The following FYN variants were observed in gnomAD, a reference collection of about 807,000 sequenced individuals.
FYN encodes the protein FYN proto-oncogene, Src family tyrosine kinase, also known as tyrosine-protein kinase Fyn.
Under a neutral mutation model 70.2 loss-of-function variants are expected in FYN, and 10 were observed. That is an observed-to-expected ratio of 0.14 (90% confidence interval 0.09 to 0.24). The LOEUF is 0.24. Ranked by LOEUF, FYN falls within the 10% of genes least tolerant of loss-of-function variation. The probability of loss-of-function intolerance (pLI) is 1.00; values close to 1 mark genes in which losing one functional copy is unlikely to be tolerated. For synonymous variants in FYN, 236 were observed against 248.6 expected, an observed-to-expected ratio of 0.95 and a Z score of 0.48; for missense variants, 319 against 673.1, an observed-to-expected ratio of 0.47 and a Z score of 5.82.
chr6:111,775,978 T>C (rs6910846), intron 3 of FYN, among the ~76,000 whole-genome samples: 65,814 of 152,000 alleles, frequency 0.43, 14,617 homozygotes, highest in East Asian at 0.7. Context: ...CTAGGTCTGG[T>C]TGGATTTTGG....
intron 3 of FYN, among the ~76,000 whole-genome samples, chr6:111,778,594 C>T (rs9487714): frequency 7.4e-5 from 11 of 149,476 alleles, no homozygotes; most frequent in African/African-American, 2.5e-4. Flanking sequence ...TTTTAGATGG[C>T]GTCTCGCTGT....
At chr6:111,794,614 T>A (rs1470869381) in intron 2 of FYN, among the ~76,000 whole-genome samples, 3 of 152,190 alleles carry the variant, frequency 2.0e-5, no homozygotes, top group Admixed American at 2.0e-4. Context: ...CATTTTTAAA[T>A]GGTCACAAAA....
At chr6:111,799,736 G>C (rs1771923766) in intron 2 of FYN, among the ~76,000 whole-genome samples, 1 of 152,208 alleles carries the variant, frequency 6.6e-6, no homozygotes, top group African/African-American at 2.4e-5. Flanking sequence ...CAGGGCACAA[G>C]TGGTTCAGGT....
At chr6:111,670,039 G>A (rs1798197035) in intron 13 of FYN, among the ~76,000 whole-genome samples, 1 of 152,136 alleles carries the variant, frequency 6.6e-6, no homozygotes, top group Non-Finnish European at 1.5e-5. Flanking sequence ...AGACCTGCAT[G>A]TTCAAGAGAC....
intron 9 of FYN, among the ~76,000 whole-genome samples, chr6:111,698,053 C>T (rs564014412): frequency 6.6e-6 from 1 of 152,354 alleles, no homozygotes; most frequent in Non-Finnish European, 1.5e-5. Flanking sequence ...ATCCACCTAA[C>T]ATACCTACAT....
chr6:111,687,021 G>C (rs1164098773), intron 12 of FYN, among the ~76,000 whole-genome samples: 1 of 152,254 alleles, frequency 6.6e-6, no homozygotes, highest in Non-Finnish European at 1.5e-5. Context: ...CTGCCTGCTT[G>C]TTTGTGTTAA....
intron 12 of FYN, among the ~76,000 whole-genome samples, chr6:111,684,898 C>T (rs1462311896): frequency 3.9e-5 from 6 of 152,136 alleles, no homozygotes; most frequent in Admixed American, 3.9e-4. Flanking sequence ...AGGAGCCCTG[C>T]TTGCTGTTCT....
chr6:111,685,565 G>A (rs933515423), intron 12 of FYN, among the ~76,000 whole-genome samples: 1 of 152,186 alleles, frequency 6.6e-6, no homozygotes, highest in Non-Finnish European at 1.5e-5. Context: ...GTTTACAAAT[G>A]TACTGCGTGT....
chr6:111,675,629 C>T (rs1798496266), intron 12 of FYN, among the ~76,000 whole-genome samples: 1 of 151,914 alleles, frequency 6.6e-6, no homozygotes, highest in Admixed American at 6.6e-5. Flanking sequence ...CTCGTCTCTA[C>T]TAAAAATACA....
At chr6:111,771,694 A>C (rs1446669050) in intron 3 of FYN, among the ~76,000 whole-genome samples, 1 of 152,282 alleles carries the variant, frequency 6.6e-6, no homozygotes, top group Non-Finnish European at 1.5e-5. Flanking sequence ...GAAAACTGGC[A>C]ACTGGGCTGG....
intron 3 of FYN, among the ~76,000 whole-genome samples, chr6:111,733,116 T>C (rs1251054377): frequency 6.6e-6 from 1 of 152,190 alleles, no homozygotes. Context: ...TAAGAACTTC[T>C]GATTACCTTT....
At chr6:111,853,739 C>A (rs1773748725) in intron 1 of FYN, among the ~76,000 whole-genome samples, 1 of 152,192 alleles carries the variant, frequency 6.6e-6, no homozygotes, top group African/African-American at 2.4e-5. Context: ...CTACCTCAGC[C>A]TCCTGGGTAG....
rs190074458 is a variant in FYN at position 111,743,058 on chromosome 6, C to T, written c.-11-22996G>A. The stretch of plus-strand genomic sequence containing the variant: ...CTCGGCTCGTTGCAACCTCTGCCTC[C>T]CGGTTTCAAGCAATTCTCCTGCCTC... On this transcript the variant is annotated intron_variant, in intron 3 of 13. Coordinates refer to ENST00000354650, the MANE Select transcript of FYN (RefSeq NM_002037.5). Among the ~76,000 whole-genome samples, 5 of 151,936 alleles carry T rather than the reference C, an allele frequency of 3.3e-5. No individual in the cohort carries two copies. In the East Asian group the frequency reaches 9.7e-4, roughly 29 times the overall value.
chr6:111,748,489 G>A (rs1034867666), intron 3 of FYN, among the ~76,000 whole-genome samples: 15 of 152,162 alleles, frequency 9.9e-5, no homozygotes, highest in Non-Finnish European at 1.6e-4. Context: ...CATGCATGGC[G>A]TATCAAGAGC....
At chr6:111,871,122 T>G (rs564671775) in intron 1 of FYN, among the ~76,000 whole-genome samples, 12 of 152,370 alleles carry the variant, frequency 7.9e-5, no homozygotes, top group Non-Finnish European at 1.6e-4. Context: ...CAGGTTCAAC[T>G]TAAGTTTTGA....
chr6:111,746,952 C>T (rs989461410), intron 3 of FYN, among the ~76,000 whole-genome samples: 1 of 152,068 alleles, frequency 6.6e-6, no homozygotes, highest in Non-Finnish European at 1.5e-5. Context: ...TAACACACAG[C>T]CCTCAAAAGA....
chr6:111,746,633 A>G (rs1802234128), intron 3 of FYN, among the ~76,000 whole-genome samples: 1 of 152,190 alleles, frequency 6.6e-6, no homozygotes, highest in African/African-American at 2.4e-5. Flanking sequence ...TGCTAAATAA[A>G]GTATGCAACT....
intron 3 of FYN, among the ~76,000 whole-genome samples, chr6:111,721,546 G>C (rs1460486846): frequency 6.6e-6 from 1 of 152,040 alleles, no homozygotes; most frequent in Non-Finnish European, 1.5e-5. Context: ...TGGGATTACA[G>C]GTGCCTGCCA....
At chr6:111,665,745 C>G (rs972326560) in intron 13 of FYN, among the ~76,000 whole-genome samples, 5 of 151,924 alleles carry the variant, frequency 3.3e-5, no homozygotes, top group Non-Finnish European at 7.4e-5. Flanking sequence ...TCTCAGCCTC[C>G]TGAGTAGCTG....
Sources: allele counts gnomAD v4.1 joint callset (sites outside exome capture counted in the v4.1 genomes callset), GRCh38; gene constraint gnomAD v4.1.1; transcripts MANE v1.5; gene names NCBI Gene and HGNC (gene_info 2026-07-23, HGNC 2026-07-21).